The following VPS37C variants were observed in gnomAD, a reference collection of about 807,000 sequenced individuals.
VPS37C encodes vacuolar protein sorting-associated protein 37C.
VPS37C carries 9 observed loss-of-function variants against 16.1 expected under a neutral mutation model. The observed-to-expected ratio is 0.56, with a 90% confidence interval of 0.34 to 0.97. The LOEUF (loss-of-function observed/expected upper bound fraction) is 0.97, where lower values mean the gene tolerates loss of function less well. Ranked by LOEUF, VPS37C falls within the 50% of genes least tolerant of loss-of-function variation. VPS37C has a pLI of 0.02. For synonymous variants in VPS37C, 207 were observed against 206.4 expected (o/e 1.00, Z -0.02); for missense variants, 479 against 472.7 (o/e 1.01, Z -0.12).
Position 61,131,818 on chromosome 11 carries a change from G to A in VPS37C, c.*2C>T, listed in dbSNP as rs779396729. The A allele has an allele frequency of 9.5e-6, 12 of 1,260,116 alleles. No homozygotes were observed. The highest frequency in any genetic ancestry group is 1.2e-5 in the Non-Finnish European group (12 of 998,622). The allele number at this position is 1,260,116 out of a possible 1,614,324, so 78.1% of individuals were successfully genotyped here. On this transcript the variant is annotated 3_prime_UTR_variant, in exon 5 of 5. Coordinates refer to ENST00000301765, the MANE Select transcript of VPS37C (RefSeq NM_017966.5). ...GGGAGGGGCCGAGGGCCAGGAGTGTGTCTAATACCCAGGCCAGGCAGGCCC... is the reference window on the plus strand; with the variant it reads ...GGGAGGGGCCGAGGGCCAGGAGTGTATCTAATACCCAGGCCAGGCAGGCCC...
intron 4 of VPS37C, chr11:61,132,841 G>A (rs1232337603): frequency 1.8e-6 from 1 of 555,224 alleles, no homozygotes; most frequent in African/African-American, 1.9e-5. Flanking sequence ...ACCTGGATGA[G>A]CACTAGCCCA....
intron 1 of VPS37C, among the ~76,000 whole-genome samples, chr11:61,140,198 G>C (rs903394573): frequency 6.6e-6 from 1 of 152,172 alleles, no homozygotes; most frequent in South Asian, 2.1e-4. Flanking sequence ...AAGCGTTCTA[G>C]AATCAAGGAC....
chr11:61,151,359 C>T (rs1056824213), intron 1 of VPS37C, among the ~76,000 whole-genome samples: 5 of 152,166 alleles, frequency 3.3e-5, no homozygotes, highest in East Asian at 1.9e-4. Context: ...ACAGATGTAC[C>T]GGCCCAGGAG....
chr11:61,134,114 T>TGATCTCCAGGGGACCCTG lies in VPS37C; in HGVS notation c.169_186dup (p.Gln57_Ile62dup). On this transcript the variant is annotated inframe_insertion, in exon 3 of 5. Coordinates refer to ENST00000301765, the MANE Select transcript of VPS37C (RefSeq NM_017966.5). ...TATCTATCCGAGAGGTTTGAGCGGC[T>TGATCTCCAGGGGACCCTG]GATCTCCAGGGGACCCTGGAACTCC... The TGATCTCCAGGGGACCCTG allele has an allele frequency of 8.1e-6, 13 of 1,614,044 alleles. No homozygotes were observed. Among genetic ancestry groups the TGATCTCCAGGGGACCCTG allele is most frequent in the Non-Finnish European group, 1.1e-5 (13 of 1,179,998 alleles).
intron 1 of VPS37C, among the ~76,000 whole-genome samples, chr11:61,143,122 TA>T (rs1467221214): frequency 1.4e-4 from 21 of 151,814 alleles, no homozygotes; most frequent in African/African-American, 5.1e-4. Context: ...CGGAACACAG[TA>T]AGTACCACTA....
At chr11:61,142,975 T>C (rs1297815294) in intron 1 of VPS37C, among the ~76,000 whole-genome samples, 3 of 47,588 alleles carry the variant, frequency 6.3e-5, no homozygotes, top group Admixed American at 2.4e-4. Flanking sequence ...AAAGAATAGC[T>C]AAAAAAAAAA....
At chr11:61,133,670 C>G (rs1463161341) in intron 3 of VPS37C, among the ~76,000 whole-genome samples, 3 of 152,198 alleles carry the variant, frequency 2.0e-5, no homozygotes, top group African/African-American at 7.2e-5. Context: ...ACCATCAAGA[C>G]AAGGACCACC....
chr11:61,132,084 G>A lies in VPS37C; in HGVS notation c.804C>T (p.Pro268=). ...YSWSPQRSMP[P]RPGYPGTPMG... Reference sequence around the variant, plus strand: ...TTGGGGTCCCAGGATAGCCCGGCCGGGGTGGCATGCTCCTCTGTGGGGACC... The same window carrying A: ...TTGGGGTCCCAGGATAGCCCGGCCGAGGTGGCATGCTCCTCTGTGGGGACC... Residue 268 remains proline (P), a synonymous_variant, in exon 5 of 5, where the codon CCC becomes CCT. Transcript: ENST00000301765. 1 of 1,400,720 alleles carries A rather than the reference G, an allele frequency of 7.1e-7. No individual in the cohort carries two copies. 86.8% of individuals were successfully genotyped at this position (1,400,720 alleles called of 1,614,324 possible). A position where few individuals can be genotyped will look rare whatever the true frequency, so the allele number is the denominator to read the frequency against.
At chr11:61,133,130 C>A (rs768354431) in intron 4 of VPS37C, 125 bp downstream of exon 4, 8 of 1,049,418 alleles carry the variant, frequency 7.6e-6, no homozygotes, top group Non-Finnish European at 1.1e-5. Flanking sequence ...ATGTCCTTCA[C>A]CTCTGCCATC....
At chr11:61,153,985 C>T (rs1261093581) in intron 1 of VPS37C, among the ~76,000 whole-genome samples, 1 of 152,230 alleles carries the variant, frequency 6.6e-6, no homozygotes, top group Non-Finnish European at 1.5e-5. Context: ...GCACTAAGGA[C>T]AGAATTGCCT....
At chr11:61,152,178 A>G (rs1249341867) in intron 1 of VPS37C, among the ~76,000 whole-genome samples, 1 of 152,150 alleles carries the variant, frequency 6.6e-6, no homozygotes, top group Non-Finnish European at 1.5e-5. Context: ...GCCCAAGATG[A>G]TAAGACCGCT....
intron 1 of VPS37C, among the ~76,000 whole-genome samples, chr11:61,139,524 C>A (rs1861436403): frequency 6.6e-6 from 1 of 152,072 alleles, no homozygotes; most frequent in African/African-American, 2.4e-5. Flanking sequence ...GAGGACATCG[C>A]TTTGACAGAG....
chr11:61,137,394 C>T (rs955646537), intron 2 of VPS37C, among the ~76,000 whole-genome samples: 2 of 152,200 alleles, frequency 1.3e-5, no homozygotes, highest in Non-Finnish European at 2.9e-5. Context: ...GGTGTGGCTG[C>T]ACACCACAAA....
intron 2 of VPS37C, among the ~76,000 whole-genome samples, chr11:61,137,138 C>T (rs1038282990): frequency 1.3e-4 from 20 of 152,222 alleles, no homozygotes; most frequent in African/African-American, 4.8e-4. Context: ...CCACACACCC[C>T]TCTATGCACA....
In VPS37C at chr11:61,130,905, G is replaced by A; in HGVS notation, c.*915C>T. 2 of 397,564 alleles carry A rather than the reference G, an allele frequency of 5.0e-6. No homozygotes were observed. The highest frequency in any genetic ancestry group is 9.6e-6 in the Non-Finnish European group (2 of 207,360). The allele number at this position is 397,564 out of a possible 1,614,324, so 24.6% of individuals were successfully genotyped here. A position where few individuals can be genotyped will look rare whatever the true frequency, so the allele number is the denominator to read the frequency against. On this transcript the variant is annotated 3_prime_UTR_variant, in exon 5 of 5. Transcript: ENST00000301765. The stretch of plus-strand genomic sequence containing the variant: ...TGAGAAGGGGAGGGGAAGGGAGGGG[G>A]CTGCTTGTGAATGAGATTCAAGGCA...
chr11:61,131,080 G>A lies in VPS37C; in HGVS notation c.*740C>T. On this transcript the variant is annotated 3_prime_UTR_variant, in exon 5 of 5. Transcript: ENST00000301765. ...GACCACAATCTCCAGGGCTAGAGCT[G>A]CCCGCTTCCCTCTGGCCAGAGGGCC... 1 of 271,310 alleles carries A rather than the reference G, an allele frequency of 3.7e-6. No homozygotes were observed. The highest frequency in any genetic ancestry group is 7.1e-6 in the Non-Finnish European group (1 of 141,262). 16.8% of individuals were successfully genotyped at this position (271,310 alleles called of 1,614,324 possible). A position where few individuals can be genotyped will look rare whatever the true frequency, so the allele number is the denominator to read the frequency against.
Position 61,148,798 on chromosome 11 carries a change from G to A in VPS37C, c.-6-9963C>T, listed in dbSNP as rs118073015. Reference sequence around the variant, plus strand: ...GTTGCCCAGGCTAGAGTGCAGGGACGCAAAAGTAGCTCACTTCACAGCCTC... The same window carrying A: ...GTTGCCCAGGCTAGAGTGCAGGGACACAAAAGTAGCTCACTTCACAGCCTC... On this transcript the variant is annotated intron_variant, in intron 1 of 4. Transcript: ENST00000301765. Among the ~76,000 whole-genome samples, 588 of 152,294 alleles carry A rather than the reference G, an allele frequency of 3.9e-3. 1 individual carries two copies. The highest frequency in any genetic ancestry group is 6.4e-3 in the Non-Finnish European group (437 of 68,010).
chr11:61,151,960 G>C (rs1378428586), intron 1 of VPS37C, among the ~76,000 whole-genome samples: 6 of 152,146 alleles, frequency 3.9e-5, no homozygotes, highest in Non-Finnish European at 8.8e-5. Flanking sequence ...ACTTCCACTT[G>C]TATCTCCTTT....
chr11:61,147,481 G>T (rs1038182474), intron 1 of VPS37C, among the ~76,000 whole-genome samples: 6 of 152,142 alleles, frequency 3.9e-5, no homozygotes, highest in African/African-American at 1.4e-4. Flanking sequence ...TACGCCAAAG[G>T]CAGCGCCACG....
Sources: gnomAD v4.1 joint callset for allele counts (sites outside exome capture counted in the v4.1 genomes callset) on GRCh38, gnomAD v4.1.1 for gene constraint, MANE v1.5 for transcripts, NCBI Gene and HGNC (gene_info 2026-07-23, HGNC 2026-07-21) for gene names.